Variants in MYBL1 observed in about 807,000 individuals in gnomAD.
MYBL1 encodes MYB proto-oncogene like 1.
Under a neutral mutation model 96.3 loss-of-function variants are expected in MYBL1, and 17 were observed. The observed-to-expected ratio is 0.18, with a 90% CI of 0.12 to 0.26. The LOEUF is 0.26. MYBL1 is among the 10% of genes least tolerant of loss of function. The pLI, the probability that MYBL1 is intolerant of heterozygous loss-of-function variation, is 1.00. For synonymous variants in MYBL1, 282 were observed against 292.7 expected (o/e 0.96, Z 0.37); for missense variants, 701 against 882.9 (o/e 0.79, Z 2.61).
intron 8 of MYBL1, among the ~76,000 whole-genome samples, chr8:66,584,110 A>T (rs763854245): frequency 2.0e-5 from 3 of 152,246 alleles, no homozygotes; most frequent in Non-Finnish European, 4.4e-5. Context: ...AAATCAATAA[A>T]TAAAATCAAA....
chr8:66,603,120 G>A (rs1476449016), intron 1 of MYBL1, among the ~76,000 whole-genome samples: 4 of 151,976 alleles, frequency 2.6e-5, no homozygotes, highest in South Asian at 4.1e-4. Flanking sequence ...AACCTTGTAC[G>A]TCATGTTAAG....
At chr8:66,567,204 G>A (rs1586547580) in intron 12 of MYBL1, among the ~76,000 whole-genome samples, 1 of 152,038 alleles carries the variant, frequency 6.6e-6, no homozygotes, top group South Asian at 2.1e-4. Context: ...CTTCTTTCTA[G>A]GCTACTAAAC....
chr8:66,579,264 A>T (rs188890006), intron 9 of MYBL1, among the ~76,000 whole-genome samples: 6,420 of 131,598 alleles, frequency 0.049, 353 homozygotes, highest in African/African-American at 0.19. Context: ...ATTTTTTTTA[A>T]AAAAATGAAA....
At chr8:66,577,303 T>C (rs1305013439) in intron 9 of MYBL1, among the ~76,000 whole-genome samples, 46 of 147,390 alleles carry the variant, frequency 3.1e-4, no homozygotes, top group Middle Eastern at 3.5e-3. Flanking sequence ...TGTTTGCAGA[T>C]GACATGATTG....
chr8:66,572,408 C>A, intron 12 of MYBL1, 74 bp downstream of exon 12: 5 of 632,130 alleles, frequency 7.9e-6, no homozygotes, highest in Non-Finnish European at 7.7e-6. Context: ...TGTTAAAAAT[C>A]AAAGTGATAA....
intron 1 of MYBL1, among the ~76,000 whole-genome samples, chr8:66,607,860 C>T (rs1285165158): frequency 6.6e-6 from 1 of 152,172 alleles, no homozygotes; most frequent in Non-Finnish European, 1.5e-5. Context: ...CACTTCCTGA[C>T]ACCCCAAATA....
chr8:66,578,630 G>A (rs991114405), intron 9 of MYBL1, among the ~76,000 whole-genome samples: 3 of 152,158 alleles, frequency 2.0e-5, no homozygotes, highest in African/African-American at 7.2e-5. Context: ...TACACTGTTG[G>A]TGGGACTGTA....
intron 1 of MYBL1, among the ~76,000 whole-genome samples, chr8:66,604,855 T>C (rs573174009): frequency 3.9e-5 from 6 of 152,300 alleles, no homozygotes; most frequent in African/African-American, 1.4e-4. Context: ...TAAGTAGAGC[T>C]ATTTACTATG....
At chr8:66,582,541 C>CAAAAAA (rs34952299) in intron 8 of MYBL1, among the ~76,000 whole-genome samples, 8 of 48,262 alleles carry the variant, frequency 1.7e-4, no homozygotes, top group Non-Finnish European at 2.3e-4. Flanking sequence ...TCCATCTCTA[C>CAAAAAA]AAAAAAAAAA....
intron 14 of MYBL1, 115 bp downstream of exon 14, chr8:66,566,569 G>A: frequency 1.6e-6 from 1 of 643,632 alleles, no homozygotes. Context: ...ATGATACTAA[G>A]ATAAAAATTC....
intron 1 of MYBL1, among the ~76,000 whole-genome samples, chr8:66,603,412 CAAGATA>C (rs1233581172): frequency 1.3e-5 from 2 of 150,858 alleles, no homozygotes; most frequent in Admixed American, 6.6e-5. Flanking sequence ...ATTTAACATA[CAAGATA>C]AAGGTACAGT....
chr8:66,608,499 G>C (rs1374261829), intron 1 of MYBL1, among the ~76,000 whole-genome samples: 1 of 152,000 alleles, frequency 6.6e-6, no homozygotes, highest in Non-Finnish European at 1.5e-5. Context: ...CCAAAAAAAA[G>C]ATCCTAGATA....
At chr8:66,609,282 C>T (rs561589139) in intron 1 of MYBL1, among the ~76,000 whole-genome samples, 2 of 151,840 alleles carry the variant, frequency 1.3e-5, no homozygotes, top group South Asian at 4.2e-4. Context: ...TGAGGTATTC[C>T]AAGGAGGAAA....
At chr8:66,598,160 T>C (rs1227156176) in intron 4 of MYBL1, among the ~76,000 whole-genome samples, 1 of 152,170 alleles carries the variant, frequency 6.6e-6, no homozygotes, top group African/African-American at 2.4e-5. Context: ...TTTACTATCT[T>C]TAAAACTAAA....
At chr8:66,611,586 C>G (rs967741836) in intron 1 of MYBL1, among the ~76,000 whole-genome samples, 1 of 152,204 alleles carries the variant, frequency 6.6e-6, no homozygotes, top group Non-Finnish European at 1.5e-5. Flanking sequence ...AAAGAATTAT[C>G]TGGTCCAAGA....
At chr8:66,592,397 T>C in intron 8 of MYBL1, 43 bp downstream of exon 8, 1 of 1,265,634 alleles carries the variant, frequency 7.9e-7, no homozygotes, top group African/African-American at 1.5e-5. Flanking sequence ...AAAAAGCATA[T>C]ATGAAAGATT....
chr8:66,595,336 A>C (rs1005266339), intron 6 of MYBL1, among the ~76,000 whole-genome samples: 18 of 152,192 alleles, frequency 1.2e-4, no homozygotes, highest in African/African-American at 4.3e-4. Flanking sequence ...TGAATCATAA[A>C]TGAAGATTCA....
chr8:66,593,088 T>G (rs759366901), intron 7 of MYBL1, 32 bp downstream of exon 7: 3 of 1,378,230 alleles, frequency 2.2e-6, no homozygotes, highest in Non-Finnish European at 3.0e-6. Flanking sequence ...CTGAACACAT[T>G]TCCTTTGGTT....
intron 1 of MYBL1, 161 bp downstream of exon 1, chr8:66,612,658 C>T: frequency 2.5e-6 from 2 of 793,516 alleles, no homozygotes; most frequent in Non-Finnish European, 3.5e-6. Flanking sequence ...CACGTCGCAG[C>T]TGCCCTCCGG....
Sources: allele counts gnomAD v4.1 joint callset (sites outside exome capture counted in the v4.1 genomes callset), GRCh38; gene constraint gnomAD v4.1.1; transcripts MANE v1.5; gene names NCBI Gene and HGNC (gene_info 2026-07-23, HGNC 2026-07-21).